Variants in ATRNL1 observed in about 807,000 individuals in gnomAD.
ATRNL1 encodes the protein attractin-like protein 1.
Under a neutral mutation model 182.7 loss-of-function variants are expected in ATRNL1, and 95 were observed. The ratio of observed to expected loss-of-function variants is 0.52; its 90% CI spans 0.44 to 0.62. The LOEUF is 0.62. Among genes scored for constraint, ATRNL1 ranks in the 20% least tolerant of loss-of-function variants. The probability of loss-of-function intolerance (pLI) is 0.00; values close to 1 mark genes in which losing one functional copy is unlikely to be tolerated. For missense variants in ATRNL1, 1,471 were observed against 1,679.5 expected, an observed-to-expected ratio of 0.88 and a Z score of 2.17; for synonymous variants, 576 against 568.3, an observed-to-expected ratio of 1.01 and a Z score of -0.19.
At chr10:115,461,748 C>T (rs1201915342) in intron 21 of ATRNL1, among the ~76,000 whole-genome samples, 193 bp from the exon 22 acceptor site, 1 of 151,826 alleles carries the variant, frequency 6.6e-6, no homozygotes, top group Non-Finnish European at 1.5e-5. Context: ...GGAATTAGTA[C>T]TTCTTCCATA....
intron 9 of ATRNL1, among the ~76,000 whole-genome samples, chr10:115,240,501 G>A (rs1298760579): frequency 6.6e-6 from 1 of 151,898 alleles, no homozygotes; most frequent in African/African-American, 2.4e-5. Context: ...TGATCCACCC[G>A]CCTTGGCCTC....
intron 28 of ATRNL1, among the ~76,000 whole-genome samples, chr10:115,911,076 C>G (rs1258897720): frequency 6.6e-6 from 1 of 152,078 alleles, no homozygotes; most frequent in Non-Finnish European, 1.5e-5. Context: ...GCGATCTTAG[C>G]TCCCTGCAAC....
intron 19 of ATRNL1, among the ~76,000 whole-genome samples, chr10:115,346,849 T>C (rs1384829791): frequency 6.6e-6 from 1 of 152,176 alleles, no homozygotes; most frequent in Non-Finnish European, 1.5e-5. Context: ...TTTGATGGTA[T>C]CCTTTAAAAC....
chr10:115,259,787 C>G (rs1415985679), intron 10 of ATRNL1, among the ~76,000 whole-genome samples: 2 of 152,066 alleles, frequency 1.3e-5, no homozygotes, highest in African/African-American at 4.8e-5. Context: ...TATTTAGGGA[C>G]CCAGGCTGAC....
rs76608827 is a variant in ATRNL1 at position 115,735,315 on chromosome 10, G to A, written c.3903+7960G>A. Among the ~76,000 whole-genome samples, 1,210 of 152,092 alleles carry A rather than the reference G, an allele frequency of 8.0e-3. 21 individuals carry two copies. The highest frequency in any genetic ancestry group is 0.028 in the African/African-American group (1,145 of 41,500). On this transcript the variant is annotated intron_variant, in intron 27 of 28. Transcript: ENST00000355044. Reference sequence around the variant, plus strand: ...ATGTATTTAAAATATACTTTATCAAGCATTCTAGTTATCTTTCAGTGGGAG... The same window carrying A: ...ATGTATTTAAAATATACTTTATCAAACATTCTAGTTATCTTTCAGTGGGAG...
intron 24 of ATRNL1, among the ~76,000 whole-genome samples, chr10:115,514,472 A>C (rs1169156154): frequency 8.4e-6 from 1 of 119,318 alleles, no homozygotes; most frequent in East Asian, 2.0e-4. Flanking sequence ...TTCTTTGGGC[A>C]GATGTAAAAA....
At chr10:115,164,902 A>G (rs1158334314) in intron 6 of ATRNL1, among the ~76,000 whole-genome samples, 1 of 152,106 alleles carries the variant, frequency 6.6e-6, no homozygotes, top group Non-Finnish European at 1.5e-5. Flanking sequence ...AAGTTGTAGT[A>G]TTTGATAGTA....
chr10:115,700,866 C>A (rs1466053528), intron 26 of ATRNL1, among the ~76,000 whole-genome samples: 1 of 151,988 alleles, frequency 6.6e-6, no homozygotes, highest in Non-Finnish European at 1.5e-5. Context: ...AGGGGAAGTG[C>A]AACACCCCAC....
chr10:115,835,467 T>G (rs529341224), intron 27 of ATRNL1, among the ~76,000 whole-genome samples: 1 of 152,152 alleles, frequency 6.6e-6, no homozygotes, highest in South Asian at 2.1e-4. Flanking sequence ...CCAGCCAAGG[T>G]AGGAAAATTG....
chr10:115,382,275 T>C (rs116048321), intron 19 of ATRNL1, among the ~76,000 whole-genome samples: 1,787 of 152,238 alleles, frequency 0.012, 34 homozygotes, highest in African/African-American at 0.04. Context: ...ATCTATAGAG[T>C]AAATTTATAT....
chr10:115,667,320 G>T (rs1385411874), intron 26 of ATRNL1, among the ~76,000 whole-genome samples: 1 of 152,116 alleles, frequency 6.6e-6, no homozygotes, highest in Non-Finnish European at 1.5e-5. Context: ...AAAATTTAAT[G>T]ACTTAAAACA....
intron 27 of ATRNL1, among the ~76,000 whole-genome samples, chr10:115,748,184 T>C (rs1948347428): frequency 6.6e-6 from 1 of 151,902 alleles, no homozygotes; most frequent in Admixed American, 6.6e-5. Context: ...GCTTTTCTGA[T>C]ATTATTTAAC....
chr10:115,559,414 TTGTGTG>T (rs138709567), intron 26 of ATRNL1, among the ~76,000 whole-genome samples: 11,420 of 147,520 alleles, frequency 0.077, 1,240 homozygotes, highest in African/African-American at 0.25. Flanking sequence ...TTCTTGGTGT[TTGTGTG>T]TGTGTGTGTG....
At chr10:115,688,556 T>C (rs1946292148) in intron 26 of ATRNL1, among the ~76,000 whole-genome samples, 1 of 152,180 alleles carries the variant, frequency 6.6e-6, no homozygotes, top group Non-Finnish European at 1.5e-5. Context: ...ATTTTCCTGA[T>C]GATTAGTGAC....
chr10:115,531,625 G>C (rs1325443490), intron 25 of ATRNL1, among the ~76,000 whole-genome samples: 1 of 150,554 alleles, frequency 6.6e-6, no homozygotes, highest in Non-Finnish European at 1.5e-5. Flanking sequence ...AGAAGCTCTT[G>C]AGTTTAATTA....
chr10:115,673,806 C>G (rs1381715519), intron 26 of ATRNL1, among the ~76,000 whole-genome samples: 4 of 151,980 alleles, frequency 2.6e-5, no homozygotes, highest in African/African-American at 9.7e-5. Flanking sequence ...CATTTATAAC[C>G]ATTGGAATGG....
intron 27 of ATRNL1, among the ~76,000 whole-genome samples, chr10:115,740,894 T>C (rs1555067479): frequency 1.3e-5 from 2 of 152,044 alleles, no homozygotes; most frequent in African/African-American, 4.8e-5. Flanking sequence ...ATCAAGTATG[T>C]AAAGTTTAAG....
At chr10:115,580,685 T>C (rs1452969915) in intron 26 of ATRNL1, among the ~76,000 whole-genome samples, 1 of 111,792 alleles carries the variant, frequency 8.9e-6, no homozygotes, top group Admixed American at 1.1e-4. Flanking sequence ...TTTTTGTCCC[T>C]TTTTCTTTTT....
intron 5 of ATRNL1, among the ~76,000 whole-genome samples, chr10:115,130,683 T>G (rs568221750): frequency 6.6e-6 from 1 of 152,248 alleles, no homozygotes; most frequent in East Asian, 1.9e-4. Flanking sequence ...TTATGACTTT[T>G]CTTCCCCCCA....
Sources: allele counts gnomAD v4.1 joint callset (sites outside exome capture counted in the v4.1 genomes callset), GRCh38; gene constraint gnomAD v4.1.1; transcripts MANE v1.5; gene names NCBI Gene and HGNC (gene_info 2026-07-23, HGNC 2026-07-21).